The following SZT2 variants were observed in gnomAD, a reference collection of about 807,000 sequenced individuals.
The protein encoded by SZT2 is KICSTOR complex protein SZT2.
Under a neutral mutation model 404.2 loss-of-function variants are expected in SZT2, and 216 were observed. The ratio of observed to expected loss-of-function variants is 0.53; its 90% CI spans 0.48 to 0.60. The LOEUF (loss-of-function observed/expected upper bound fraction) is 0.60. SZT2 is among the 20% of genes least tolerant of loss of function. The probability of loss-of-function intolerance (pLI) is 0.00; values close to 1 mark genes in which losing one functional copy is unlikely to be tolerated. For synonymous variants in SZT2, 1,693 were observed against 1,749.9 expected (o/e 0.97, Z 0.81); for missense variants, 3,857 against 4,459.2 (o/e 0.86, Z 3.85).
Position 43,425,313 on chromosome 1 carries a change from C to A in SZT2, c.2645+106C>A. 6.6e-7 allele frequency: 1 copy of A among 1,523,430 alleles called. No homozygotes were observed. Among genetic ancestry groups the A allele is most frequent in the South Asian group, 1.2e-5 (1 of 83,022 alleles). 94.4% of individuals were successfully genotyped at this position (1,523,430 alleles called of 1,614,324 possible). On this transcript the variant is annotated intron_variant, in intron 18 of 71. Transcript: ENST00000634258. The surrounding 1 kb of genome is among the most constrained non-coding windows in gnomAD (Gnocchi z 4.3). ...CCTGAGATGATCTTGATCCCAAAGT[C>A]AGGGAGGGGGTGCGGTGTTTAGATG...
chr1:43,443,350 A>T lies in SZT2; in HGVS notation c.8500-2A>T. ...TCCATGCTCACTGCCCTGTTTCCCC[A>T]GGCTGGAGAGCTGGAGACCCTGAAG... On this transcript the variant is annotated splice_acceptor_variant, in intron 60 of 71. Coordinates refer to ENST00000634258, the MANE Select transcript of SZT2 (RefSeq NM_001365999.1). LOFTEE classifies it high-confidence loss of function. The T allele has an allele frequency of 6.2e-7, 1 of 1,614,110 alleles. No individual in the cohort carries two copies. Among genetic ancestry groups the T allele is most frequent in the South Asian group, 1.1e-5 (1 of 91,078 alleles).
At chr1:43,398,590 G>A (rs1002101312) in intron 1 of SZT2, among the ~76,000 whole-genome samples, 6 of 152,156 alleles carry the variant, frequency 3.9e-5, no homozygotes, top group Admixed American at 2.0e-4. Context: ...GAGGTTGCCT[G>A]GTTTAGTATC....
intron 1 of SZT2, among the ~76,000 whole-genome samples, chr1:43,392,083 C>CAAAAAAA (rs57476239): frequency 3.0e-4 from 1 of 3,378 alleles, no homozygotes; most frequent in African/African-American, 1.6e-3. Context: ...GACTCCGTCT[C>CAAAAAAA]AAAAAAAAAA....
chr1:43,422,670 A>ACCCCCCCCCCTCCCCCCCC, intron 13 of SZT2, 38 bp downstream of exon 13: 1 of 506,506 alleles, frequency 2.0e-6, no homozygotes, highest in Non-Finnish European at 2.5e-6. Context: ...CCGCCCCCCC[A>ACCCCCCCCCCTCCCCCCCC]CCCCCCCGCC....
rs1029089423 is a variant in SZT2, at chr1:43,424,421, C to T, written c.2460C>T (p.Ser820=). 12 of 1,597,732 alleles carry T rather than the reference C, an allele frequency of 7.5e-6. No homozygotes were observed. Among genetic ancestry groups the T allele is most frequent in the Non-Finnish European group, 1.0e-5 (12 of 1,179,560 alleles). Residue 820 remains serine, a synonymous_variant, in exon 16 of 72, where the codon TCC becomes TCT. Transcript: ENST00000634258. This position sits in a 1 kb window ranked among gnomAD's most constrained non-coding sequence, Gnocchi z 4.1. ...LPLSAIAQLL[S]ILTEVRLSEG... Reference sequence around the variant, plus strand: ...TCAGTGCCATTGCCCAGCTCCTCTCCATCCTCACTGAGTATGTCATCCAAG... The same window carrying T: ...TCAGTGCCATTGCCCAGCTCCTCTCTATCCTCACTGAGTATGTCATCCAAG...
intron 4 of SZT2, 92 bp downstream of exon 4, chr1:43,404,642 C>T: frequency 7.2e-7 from 1 of 1,380,446 alleles, no homozygotes; most frequent in Non-Finnish European, 9.9e-7. Context: ...TGTTTGTCCC[C>T]AAAGTCCCGA....
chr1:43,445,751 GCCTTGCCACTCAC>G (rs1329055540), intron 62 of SZT2, 130 bp from the exon 63 acceptor site: 2 of 806,698 alleles, frequency 2.5e-6, no homozygotes, highest in Non-Finnish European at 4.2e-6. Flanking sequence ...TCCAAGCCCA[GCCTTGCCACTCAC>G]AGTGGCAGCT....
chr1:43,399,360 A>T (rs957232778), intron 1 of SZT2, among the ~76,000 whole-genome samples: 12 of 151,816 alleles, frequency 7.9e-5, no homozygotes, highest in Middle Eastern at 3.4e-3. Flanking sequence ...CACACAGTTC[A>T]CAGAATGGCT....
At chr1:43,444,776 A>AGT (rs1013477066) in intron 62 of SZT2, among the ~76,000 whole-genome samples, 1 of 152,058 alleles carries the variant, frequency 6.6e-6, no homozygotes. Flanking sequence ...GCCCTTTCCC[A>AGT]GTGGCTGTAT....
At chr1:43,390,246 C>G (rs1380846026) in intron 1 of SZT2, among the ~76,000 whole-genome samples, 2 of 152,252 alleles carry the variant, frequency 1.3e-5, no homozygotes, top group Non-Finnish European at 2.9e-5. Context: ...TCACCCGCGT[C>G]GTCGTCTCTA....
rs1256138233 is a variant in SZT2, at chr1:43,422,549, C to T, written c.1839C>T (p.Ser613=). 2 of 1,598,180 alleles carry T rather than the reference C, an allele frequency of 1.3e-6. No individual in the cohort carries two copies. Among genetic ancestry groups the T allele is most frequent in the East Asian group, 2.2e-5 (1 of 44,864 alleles). The change falls in exon 13 of 72, where the codon TCC becomes TCT. Residue 613 remains serine, a synonymous_variant. Transcript: ENST00000634258. ...GRYSTIQCRI[S]HSSLTSLLRD... The stretch of plus-strand genomic sequence containing the variant: ...ACAGCACTATCCAGTGCAGGATCTC[C>T]CACTCCTCCCTGACCTCTCTGCTGC...
intron 4 of SZT2, among the ~76,000 whole-genome samples, chr1:43,414,404 T>C (rs1651448482): frequency 6.6e-6 from 1 of 152,202 alleles, no homozygotes; most frequent in African/African-American, 2.4e-5. Context: ...ATACACCTTC[T>C]ATGTACCCAC....
intron 62 of SZT2, 154 bp from the exon 63 acceptor site, chr1:43,445,740 C>T: frequency 1.3e-6 from 1 of 754,224 alleles, no homozygotes; most frequent in Non-Finnish European, 2.3e-6. Flanking sequence ...TAGACCTGGA[C>T]TCCAAGCCCA....
chr1:43,416,682 C>G (rs559039208), intron 7 of SZT2, 41 bp downstream of exon 7: 9 of 1,496,600 alleles, frequency 6.0e-6, no homozygotes, highest in Middle Eastern at 1.7e-4. Context: ...TATGGAATAT[C>G]TCACACAAAG....
intron 7 of SZT2, among the ~76,000 whole-genome samples, chr1:43,419,516 C>T (rs1347432795): frequency 6.6e-6 from 1 of 152,112 alleles, no homozygotes; most frequent in Non-Finnish European, 1.5e-5. Flanking sequence ...GAGGAGGAAG[C>T]AAAGAGGATG....
Position 43,450,292 on chromosome 1 carries a change from C to T in SZT2, c.10156-45C>T, listed in dbSNP as rs1387460311. The T allele has an allele frequency of 1.9e-6, 3 of 1,613,788 alleles. No homozygotes were observed. The highest frequency in any genetic ancestry group is 1.7e-5 in the Admixed American group (1 of 60,014). The stretch of plus-strand genomic sequence containing the variant: ...TCTGAGCCCTGCCTCCTATCCCCAC[C>T]CATGCCCTCCTCTCACCAGTGCATC... On this transcript the variant is annotated intron_variant, in intron 71 of 71. Coordinates refer to ENST00000634258, the MANE Select transcript of SZT2 (RefSeq NM_001365999.1). This position sits in a 1 kb window ranked among gnomAD's most constrained non-coding sequence, Gnocchi z 4.3.
chr1:43,416,664 G>T (rs762701931), intron 7 of SZT2, 23 bp downstream of exon 7: 1 of 1,561,908 alleles, frequency 6.4e-7, no homozygotes, highest in Middle Eastern at 1.7e-4. Context: ...TAGGAAGGAC[G>T]AGAGAGATAT....
Position 43,447,980 on chromosome 1 carries a change from A to T in SZT2, c.9563+9A>T. On this transcript the variant is annotated intron_variant, in intron 68 of 71. Transcript: ENST00000634258. ...GAGCGGCACGTTCTGCGGTCAGCAG[A>T]TCCCCTACCTTGAACATGCCCATTT... is the stretch of plus-strand genomic sequence containing the variant. 1 of 1,613,696 alleles carries T rather than the reference A, an allele frequency of 6.2e-7. No individual in the cohort carries two copies. The highest frequency in any genetic ancestry group is 8.5e-7 in the Non-Finnish European group (1 of 1,179,936).
chr1:43,453,853 GCGGGCGGC>G lies in SZT2; in HGVS notation c.*3374_*3381del, dbSNP rs1656750590. 6 of 1,231,454 alleles carry G rather than the reference GCGGGCGGC, an allele frequency of 4.9e-6. No individual in the cohort carries two copies. The highest frequency in any genetic ancestry group is 6.1e-6 in the Non-Finnish European group (6 of 988,676). 76.3% of individuals were successfully genotyped at this position (1,231,454 alleles called of 1,614,324 possible). On this transcript the variant is annotated 3_prime_UTR_variant, in exon 72 of 72. Coordinates refer to ENST00000634258, the MANE Select transcript of SZT2 (RefSeq NM_001365999.1). ...ATCCAAAGGCGGCGGGCGGCGGGCGGCGGGCGGCGGGCGGGGGCGGGGCTCTCCTTGCT... is the reference window on the plus strand; with the variant it reads ...ATCCAAAGGCGGCGGGCGGCGGGCGGGGGCGGGGGCGGGGCTCTCCTTGCT...
Sources: allele counts gnomAD v4.1 joint callset (sites outside exome capture counted in the v4.1 genomes callset), GRCh38; gene constraint gnomAD v4.1.1; non-coding constraint Gnocchi (gnomAD v3.1); transcripts MANE v1.5; gene names NCBI Gene and HGNC (gene_info 2026-07-23, HGNC 2026-07-21).